MARCHF3: variants seen among roughly 807,000 people sequenced by gnomAD.
MARCHF3 encodes the protein E3 ubiquitin-protein ligase MARCHF3.
Under a neutral mutation model 24.2 loss-of-function variants are expected in MARCHF3, and 13 were observed. That is an observed-to-expected ratio of 0.54 (90% CI 0.35 to 0.85). The LOEUF (loss-of-function observed/expected upper bound fraction) is 0.85, where lower values mean the gene tolerates loss of function less well. MARCHF3 is among the 40% of genes least tolerant of loss of function. The pLI, the probability that MARCHF3 is intolerant of heterozygous loss-of-function variation, is 0.01. For synonymous variants in MARCHF3, 144 were observed against 137.3 expected (o/e 1.05, Z -0.34); for missense variants, 276 against 325.0 (o/e 0.85, Z 1.16).
chr5:126,904,230 T>G (rs868618234), intron 3 of MARCHF3, among the ~76,000 whole-genome samples: 2,785 of 148,978 alleles, frequency 0.019, 51 homozygotes, highest in Middle Eastern at 0.045. Flanking sequence ...ACATTTGGGT[T>G]GGTTCCAAGT....
intron 3 of MARCHF3, among the ~76,000 whole-genome samples, chr5:126,885,325 T>C (rs1486741199): frequency 2.0e-5 from 3 of 152,184 alleles, no homozygotes; most frequent in Non-Finnish European, 4.4e-5. Context: ...CTCAGCACTT[T>C]GGGAGGCTGA....
At chr5:126,983,428 A>T (rs971354914) in intron 1 of MARCHF3, among the ~76,000 whole-genome samples, 1 of 152,146 alleles carries the variant, frequency 6.6e-6, no homozygotes, top group Non-Finnish European at 1.5e-5. Context: ...TCAGCACAAG[A>T]TCATGTATCA....
At chr5:126,901,111 A>G (rs1754090686) in intron 3 of MARCHF3, among the ~76,000 whole-genome samples, 1 of 152,078 alleles carries the variant, frequency 6.6e-6, no homozygotes, top group Non-Finnish European at 1.5e-5. Context: ...CCTTATCTAC[A>G]GAATACGATA....
At chr5:126,944,771 G>A (rs973174311) in intron 1 of MARCHF3, among the ~76,000 whole-genome samples, 10 of 152,126 alleles carry the variant, frequency 6.6e-5, no homozygotes, top group African/African-American at 2.2e-4. Flanking sequence ...AGGACATCCA[G>A]TTTCTTAATC....
In MARCHF3 at chr5:126,939,342, G is replaced by A. The variant is rs189425625; in HGVS notation, c.-56-21115C>T. 9.2e-5 allele frequency among the ~76,000 whole-genome samples: 14 copies of A among 152,274 alleles called. No homozygotes were observed. The East Asian group carries it at 1.7e-3, about 19-fold the overall frequency. ...CCTAAAGTGTTATAAGTTGTTTGGCGAGGGTTGACAAAAGGTCCAGGAGCG... is the reference window on the plus strand; with the variant it reads ...CCTAAAGTGTTATAAGTTGTTTGGCAAGGGTTGACAAAAGGTCCAGGAGCG... On this transcript the variant is annotated intron_variant, in intron 1 of 4. Coordinates refer to ENST00000308660, the MANE Select transcript of MARCHF3 (RefSeq NM_178450.5).
chr5:126,973,506 C>T (rs999678639), intron 1 of MARCHF3, among the ~76,000 whole-genome samples: 7 of 152,244 alleles, frequency 4.6e-5, no homozygotes, highest in Non-Finnish European at 1.0e-4. Flanking sequence ...TCACACTGCT[C>T]TTAATTCAGA....
intron 1 of MARCHF3, among the ~76,000 whole-genome samples, chr5:126,952,719 C>T (rs1249289466): frequency 6.6e-6 from 1 of 152,080 alleles, no homozygotes; most frequent in East Asian, 1.9e-4. Flanking sequence ...GGGACAGTAT[C>T]TTAACCACCC....
chr5:126,896,502 G>A (rs1753922711), intron 3 of MARCHF3, among the ~76,000 whole-genome samples: 1 of 152,234 alleles, frequency 6.6e-6, no homozygotes, highest in Non-Finnish European at 1.5e-5. Flanking sequence ...TTTTTAGCTT[G>A]AGTGATCCTG....
chr5:126,945,403 T>C lies in MARCHF3; in HGVS notation c.-56-27176A>G, dbSNP rs145761823. Among the ~76,000 whole-genome samples, 27 of 152,258 alleles carry C rather than the reference T, an allele frequency of 1.8e-4. No homozygotes were observed. In the East Asian group the frequency reaches 4.8e-3, roughly 27 times the overall value. ...TATAGGGAGGCACTTGCCACAGTTA[T>C]GGAGGGTGGGCAGAGGCATTCAGAG... On this transcript the variant is annotated intron_variant, in intron 1 of 4. Transcript: ENST00000308660.
chr5:126,989,307 G>GTACTACTACTAC (rs147682825), intron 1 of MARCHF3, among the ~76,000 whole-genome samples: 2 of 149,262 alleles, frequency 1.3e-5, no homozygotes, highest in African/African-American at 4.9e-5. Flanking sequence ...ACTACTACTA[G>GTACTACTACTAC]TACTACTACT....
At chr5:127,002,761 C>T (rs1374977852) in intron 1 of MARCHF3, among the ~76,000 whole-genome samples, 1 of 152,198 alleles carries the variant, frequency 6.6e-6, no homozygotes, top group East Asian at 1.9e-4. Flanking sequence ...CCATTAGCAT[C>T]CCTTTGACAT....
intron 1 of MARCHF3, among the ~76,000 whole-genome samples, chr5:126,932,724 G>A (rs1420762251): frequency 6.6e-6 from 1 of 152,162 alleles, no homozygotes; most frequent in African/African-American, 2.4e-5. Context: ...TTGGCTTCAA[G>A]GGGTAAAATA....
chr5:126,945,401 T>C (rs1165759347), intron 1 of MARCHF3, among the ~76,000 whole-genome samples: 2 of 152,126 alleles, frequency 1.3e-5, no homozygotes. Flanking sequence ...TTGCCACAGT[T>C]ATGGAGGGTG....
intron 1 of MARCHF3, among the ~76,000 whole-genome samples, chr5:127,004,540 A>G (rs1055903818): frequency 6.6e-6 from 1 of 152,074 alleles, no homozygotes; most frequent in Admixed American, 6.5e-5. Flanking sequence ...GCCTTTGGGG[A>G]AGGAGATCAT....
intron 3 of MARCHF3, among the ~76,000 whole-genome samples, chr5:126,879,903 T>A (rs569736113): frequency 1.3e-5 from 2 of 152,306 alleles, no homozygotes; most frequent in Middle Eastern, 6.8e-3. Context: ...GACTGTCTGC[T>A]GATGCGTGCC....
In MARCHF3 at chr5:126,914,932, C is replaced by T. The variant is rs1174663767; in HGVS notation, c.391G>A (p.Glu131Lys). ...CAGGACGTGCCCCACTTACTGACCT[C>T]CACTAACGGCCTGGGTTTGCGCTCG... ...AVERKPRPLV[E>K]WLRNPGPQHE... The change falls in exon 3 of 5, where the codon GAG (glutamate) becomes AAG (lysine). Residue 131 changes from glutamate (E) to lysine (K), a missense_variant and splice_region_variant. Transcript: ENST00000308660. 1 of 1,614,156 alleles carries T rather than the reference C, an allele frequency of 6.2e-7. No individual in the cohort carries two copies. The highest frequency in any genetic ancestry group is 8.5e-7 in the Non-Finnish European group (1 of 1,180,040).
At chr5:127,002,258 T>C (rs1206168039) in intron 1 of MARCHF3, among the ~76,000 whole-genome samples, 2 of 152,220 alleles carry the variant, frequency 1.3e-5, no homozygotes. Flanking sequence ...CTGATAACAT[T>C]TGTCTGGTGA....
In MARCHF3 at chr5:126,965,828, T is replaced by C. The variant is rs536818920; in HGVS notation, c.-56-47601A>G. 3.9e-5 allele frequency among the ~76,000 whole-genome samples: 6 copies of C among 152,344 alleles called. No individual in the cohort carries two copies. The East Asian group carries it at 1.2e-3, about 29-fold the overall frequency. On this transcript the variant is annotated intron_variant, in intron 1 of 4. Transcript: ENST00000308660. Reference sequence around the variant, plus strand: ...TGTCTGGGAAAGGAGTTTGGCAGTCTCTTAAAAAGTTAAACATATATTTAA... The same window carrying C: ...TGTCTGGGAAAGGAGTTTGGCAGTCCCTTAAAAAGTTAAACATATATTTAA...
intron 1 of MARCHF3, among the ~76,000 whole-genome samples, chr5:126,979,948 C>CAAAAAAAAA (rs757849978): frequency 1.5e-3 from 67 of 44,764 alleles, no homozygotes; most frequent in Non-Finnish European, 2.0e-3. Flanking sequence ...AACTCCATCT[C>CAAAAAAAAA]AAAAAAAAAA....
Sources: allele counts gnomAD v4.1 joint callset (sites outside exome capture counted in the v4.1 genomes callset), GRCh38; gene constraint gnomAD v4.1.1; transcripts MANE v1.5; gene names NCBI Gene and HGNC (gene_info 2026-07-23, HGNC 2026-07-21).